WDR62: variants seen among roughly 807,000 people sequenced by gnomAD.
The protein encoded by WDR62 is WD repeat domain 62.
In WDR62, 112 loss-of-function variants were observed where a neutral mutation model predicts 160.6. The observed-to-expected ratio is 0.70, with a 90% CI of 0.60 to 0.82. The LOEUF is 0.82. WDR62 is among the 40% of genes least tolerant of loss of function. The pLI is 0.00. For synonymous variants in WDR62, 792 were observed against 815.1 expected, an observed-to-expected ratio of 0.97 and a Z score of 0.48; for missense variants, 1,819 against 1,983.8, an observed-to-expected ratio of 0.92 and a Z score of 1.58.
intron 3 of WDR62, chr19:36,062,456 C>G (rs1970696162): frequency 6.6e-6 from 1 of 151,564 alleles, no homozygotes; most frequent in African/African-American, 2.4e-5. Context: ...TTGAGACCAG[C>G]CTGGGGAACA....
chr19:36,064,629 G>A (rs1970839155), intron 3 of WDR62, among the ~76,000 whole-genome samples: 1 of 151,382 alleles, frequency 6.6e-6, no homozygotes. Flanking sequence ...CCAGGCTGGA[G>A]TGCAGCAGCA....
chr19:36,102,001 C>A lies in WDR62; in HGVS notation c.3083-13C>A. The A allele has an allele frequency of 6.2e-7, 1 of 1,614,108 alleles. No individual in the cohort carries two copies. Among genetic ancestry groups the A allele is most frequent in the Non-Finnish European group, 8.5e-7 (1 of 1,180,036 alleles). Reference sequence around the variant, plus strand: ...TGTTGGCTCCTCTTGTCCCTCCCCTCCTTCCCTGTCAGGATGCGCAGGTCC... The same window carrying A: ...TGTTGGCTCCTCTTGTCCCTCCCCTACTTCCCTGTCAGGATGCGCAGGTCC... On this transcript the variant is annotated splice_polypyrimidine_tract_variant and intron_variant, in intron 25 of 31. Coordinates refer to ENST00000401500, the MANE Select transcript of WDR62 (RefSeq NM_001083961.2).
At chr19:36,096,165 A>C (rs1353456094) in intron 20 of WDR62, among the ~76,000 whole-genome samples, 1 of 152,030 alleles carries the variant, frequency 6.6e-6, no homozygotes, top group African/African-American at 2.4e-5. Flanking sequence ...ATCATAGCTC[A>C]CTGTAGCCTT....
At chr19:36,081,989 C>A in intron 10 of WDR62, 1 of 373,416 alleles carries the variant, frequency 2.7e-6, no homozygotes, top group Non-Finnish European at 5.3e-6. Flanking sequence ...TGATGGGAGG[C>A]TGGGAAGAAA....
rs369392480 is a variant in WDR62 at position 36,103,701 on chromosome 19, C to T, written c.3873C>T (p.His1291=). The part of the protein sequence containing the change: ...QEPALRSWGN[H]EARANLRLTL... ...CTGCCCTGCGTTCCTGGGGCAACCA[C>T]GAGGCCCGGGCCAACCTGAGACTGA... The change falls in exon 30 of 32, where the codon CAC becomes CAT. Residue 1291 remains histidine (H), a synonymous_variant. Transcript: ENST00000401500. 11 of 1,610,600 alleles carry T rather than the reference C, an allele frequency of 6.8e-6. 1 individual carries two copies. The Admixed American group carries it at 1.0e-4, about 15-fold the overall frequency.
intron 16 of WDR62, 78 bp downstream of exon 16, chr19:36,090,598 C>A: frequency 2.2e-6 from 3 of 1,374,628 alleles, no homozygotes; most frequent in Non-Finnish European, 3.1e-6. Flanking sequence ...GAGACCTGTG[C>A]CCTTGGTCCT....
the WDR62 span, among the ~76,000 whole-genome samples, chr19:36,110,745 G>A: frequency 6.6e-6 from 1 of 152,156 alleles, no homozygotes; most frequent in Non-Finnish European, 1.5e-5. Flanking sequence ...ACAGAGCAGG[G>A]CAATCACAGC....
At chr19:36,107,310 C>G (rs1048172008), downstream of WDR62, among the ~76,000 whole-genome samples, 2 of 152,180 alleles carry the variant, frequency 1.3e-5, no homozygotes, top group Non-Finnish European at 2.9e-5. Context: ...GTTGGCTTTC[C>G]TGCAGCCCTG....
chr19:36,108,630 A>G (rs1035321057), downstream of WDR62, among the ~76,000 whole-genome samples: 15 of 152,136 alleles, frequency 9.9e-5, no homozygotes, highest in Non-Finnish European at 2.1e-4. Context: ...AGGCAGGCAG[A>G]CGGTTTGAGC....
chr19:36,069,165 C>T (rs1362150327), intron 7 of WDR62, among the ~76,000 whole-genome samples: 6 of 145,648 alleles, frequency 4.1e-5, no homozygotes, highest in Admixed American at 1.3e-4. Context: ...GCTGGCCGGG[C>T]GGGGGCTGAC....
chr19:36,109,678 G>T (rs746096274), downstream of WDR62, among the ~76,000 whole-genome samples: 2 of 152,020 alleles, frequency 1.3e-5, no homozygotes, highest in Admixed American at 6.6e-5. Context: ...AGGCTGCAGT[G>T]TGTGGAGATC....
rs769712394 is a variant in WDR62 at position 36,055,073 on chromosome 19, G to A, written c.102G>A (p.Pro34=). 6.3e-7 allele frequency: 1 copy of A among 1,587,574 alleles called. No homozygotes were observed. Among genetic ancestry groups the A allele is most frequent in the South Asian group, 1.1e-5 (1 of 88,806 alleles). The change falls in exon 1 of 32, where the codon CCG becomes CCA. Residue 34 remains proline (P), a synonymous_variant. Transcript: ENST00000401500. ...GVPARRGQSS[P]PPAPPICLRR... ...CGGCGCGGAGGGGCCAGTCCTCCCCGCCCCCCGCCCCACCAATCTGCCTAC... is the reference window on the plus strand; with the variant it reads ...CGGCGCGGAGGGGCCAGTCCTCCCCACCCCCCGCCCCACCAATCTGCCTAC...
chr19:36,067,890 C>A lies in WDR62; in HGVS notation c.762C>A (p.Ile254=). Residue 254 remains isoleucine, a synonymous_variant, in exon 7 of 32, where the codon ATC becomes ATA. Coordinates refer to ENST00000401500, the MANE Select transcript of WDR62 (RefSeq NM_001083961.2). ...SGILGELHNN[I]FCGVACGRGR... is the part of the protein sequence containing the mutation. ...TCCTGGGCGAGCTGCACAACAACAT[C>A]TTCTGTGGTGTGGCCTGCGGTCGGG... is the stretch of plus-strand genomic sequence containing the variant. The A allele has an allele frequency of 6.2e-7, 1 of 1,614,214 alleles. No homozygotes were observed. The highest frequency in any genetic ancestry group is 1.3e-5 in the African/African-American group (1 of 75,058).
intron 9 of WDR62, among the ~76,000 whole-genome samples, chr19:36,078,549 A>C (rs1409207769): frequency 6.6e-6 from 1 of 151,828 alleles, no homozygotes; most frequent in Non-Finnish European, 1.5e-5. Context: ...CTTTTGAAAC[A>C]GTAGGCCCAG....
chr19:36,089,434 CT>C lies in WDR62; in HGVS notation c.1958+130del, dbSNP rs1972455663. On this transcript the variant is annotated intron_variant, in intron 15 of 31. Coordinates refer to ENST00000401500, the MANE Select transcript of WDR62 (RefSeq NM_001083961.2). ...TTGAGGGACCCAGCAGGTGTTCCTT[CT>C]TGGTTTTTTTTTGTTTTTGTTTTTG... The C allele has an allele frequency of 8.3e-5, 125 of 1,509,796 alleles. 5 individuals carry two copies. In the South Asian group the frequency reaches 1.4e-3, roughly 17 times the overall value. 93.5% of individuals were successfully genotyped at this position (1,509,796 alleles called of 1,614,324 possible). A position where few individuals can be genotyped will look rare whatever the true frequency, so the allele number is the denominator to read the frequency against.
At chr19:36,060,211 G>A in intron 3 of WDR62, 181 bp downstream of exon 3, 1 of 663,454 alleles carries the variant, frequency 1.5e-6, no homozygotes, top group Non-Finnish European at 2.7e-6. Context: ...AGTGACCAGA[G>A]GAGACGAGAA....
intron 12 of WDR62, among the ~76,000 whole-genome samples, chr19:36,085,446 A>T (rs1385979108): frequency 2.1e-5 from 1 of 46,974 alleles, no homozygotes. Context: ...TTGAGACAAG[A>T]GTCTCACTCT....
rs1014003547 is a variant in WDR62 at position 36,101,649 on chromosome 19, G to A, written c.2972-15G>A. On this transcript the variant is annotated splice_polypyrimidine_tract_variant and intron_variant, in intron 24 of 31. Transcript: ENST00000401500. ...GGTCAGGCTGTGGGCTCCTGACCCCGACTCTGTCCTTCAGACTCGGGGGAG... is the reference window on the plus strand; with the variant it reads ...GGTCAGGCTGTGGGCTCCTGACCCCAACTCTGTCCTTCAGACTCGGGGGAG... 16 of 1,546,334 alleles carry A rather than the reference G, an allele frequency of 1.0e-5. No homozygotes were observed. Among genetic ancestry groups the A allele is most frequent in the Non-Finnish European group, 1.3e-5 (15 of 1,142,928 alleles).
chr19:36,105,596 C>T (rs992427259), downstream of WDR62, among the ~76,000 whole-genome samples: 3 of 152,056 alleles, frequency 2.0e-5, no homozygotes, highest in Non-Finnish European at 2.9e-5. Flanking sequence ...CCTATAATCC[C>T]GGCTACTCAG....
Sources: allele counts gnomAD v4.1 joint callset (sites outside exome capture counted in the v4.1 genomes callset), GRCh38; gene constraint gnomAD v4.1.1; transcripts MANE v1.5; gene names NCBI Gene and HGNC (gene_info 2026-07-23, HGNC 2026-07-21).